INPP4B: variants seen among roughly 807,000 people sequenced by gnomAD.
INPP4B encodes inositol polyphosphate 4-phosphatase type II.
Under a neutral mutation model 122.5 loss-of-function variants are expected in INPP4B, and 55 were observed. The ratio of observed to expected loss-of-function variants is 0.45; its 90% confidence interval spans 0.36 to 0.56. The LOEUF is 0.56. Among genes scored for constraint, INPP4B ranks in the 20% least tolerant of loss-of-function variants. The pLI, the probability that INPP4B is intolerant of heterozygous loss-of-function variation, is 0.00. For synonymous variants in INPP4B, 403 were observed against 388.7 expected (o/e 1.04, Z -0.43); for missense variants, 1,000 against 1,097.7 (o/e 0.91, Z 1.26).
At chr4:142,694,751 T>G (rs1760782767) in intron 2 of INPP4B, among the ~76,000 whole-genome samples, 1 of 152,098 alleles carries the variant, frequency 6.6e-6, no homozygotes, top group Admixed American at 6.6e-5. Context: ...TTGCACTAAT[T>G]TTTCAGTGAA....
chr4:142,384,952 A>C (rs993942281), intron 7 of INPP4B, among the ~76,000 whole-genome samples: 19 of 152,154 alleles, frequency 1.2e-4, no homozygotes, highest in Non-Finnish European at 2.8e-4. Flanking sequence ...TTATGGCTGC[A>C]TGGCTGCATA....
chr4:142,705,637 G>T (rs914514842), intron 2 of INPP4B, among the ~76,000 whole-genome samples: 3 of 152,046 alleles, frequency 2.0e-5, no homozygotes, highest in African/African-American at 7.2e-5. Context: ...AGTCTCTAAG[G>T]CAGAGATTGA....
At position 142,489,012 on chromosome 4, in the gene INPP4B, A is replaced by G. The variant is rs144540946; in HGVS notation, c.-190-26286T>C. ...TTTAAAAATGTTCATTTGTTCCCAAACACTTTTCTAGCTTCTCCCCACAAA... is the reference window on the plus strand; with the variant it reads ...TTTAAAAATGTTCATTTGTTCCCAAGCACTTTTCTAGCTTCTCCCCACAAA... On this transcript the variant is annotated intron_variant, in intron 2 of 25. Transcript: ENST00000262992. Among the ~76,000 whole-genome samples the G allele has an allele frequency of 3.9e-3, 587 of 151,638 alleles. 4 individuals are homozygous for G. The highest frequency in any genetic ancestry group is 0.013 in the African/African-American group (546 of 41,114).
At chr4:142,134,019 A>G (rs989399277) in intron 18 of INPP4B, among the ~76,000 whole-genome samples, 3 of 152,116 alleles carry the variant, frequency 2.0e-5, no homozygotes, top group African/African-American at 7.2e-5. Context: ...TTCTTGTGTT[A>G]CTTTTTATTG....
chr4:142,098,159 G>T (rs1233178209), intron 23 of INPP4B, among the ~76,000 whole-genome samples: 1 of 151,982 alleles, frequency 6.6e-6, no homozygotes, highest in African/African-American at 2.4e-5. Flanking sequence ...TTTAAGATAG[G>T]GCATAGAGCC....
chr4:142,534,199 TTA>T (rs577015767), intron 2 of INPP4B, among the ~76,000 whole-genome samples: 1 of 151,766 alleles, frequency 6.6e-6, no homozygotes, highest in Non-Finnish European at 1.5e-5. Context: ...CATCCTGAAT[TTA>T]TATATATATA....
intron 2 of INPP4B, among the ~76,000 whole-genome samples, chr4:142,479,325 A>C (rs1476822251): frequency 6.6e-6 from 1 of 152,192 alleles, no homozygotes. Context: ...ATGCTGGTGA[A>C]TTAGCAGAGA....
At chr4:142,618,618 C>A (rs1202316729) in intron 2 of INPP4B, among the ~76,000 whole-genome samples, 1 of 151,868 alleles carries the variant, frequency 6.6e-6, no homozygotes, top group East Asian at 1.9e-4. Flanking sequence ...AAAATAAGCC[C>A]AAACTATGTA....
chr4:142,062,742 A>AAAACAAACAAAC (rs3043162), intron 25 of INPP4B, among the ~76,000 whole-genome samples: 18 of 149,112 alleles, frequency 1.2e-4, no homozygotes, highest in Non-Finnish European at 2.2e-4. Flanking sequence ...TCCCCCCGCA[A>AAAACAAACAAAC]AAACAAACAA....
chr4:142,052,096 C>T (rs1460836548), intron 25 of INPP4B, among the ~76,000 whole-genome samples: 1 of 151,970 alleles, frequency 6.6e-6, no homozygotes, highest in African/African-American at 2.4e-5. Context: ...AACCAACACT[C>T]AGGTCTTTTT....
chr4:142,578,573 G>T (rs537933153), intron 2 of INPP4B, among the ~76,000 whole-genome samples: 16 of 151,898 alleles, frequency 1.1e-4, no homozygotes, highest in African/African-American at 3.9e-4. Flanking sequence ...GACATCCCTG[G>T]TCTCTCTTTG....
intron 5 of INPP4B, 32 bp from the exon 6 acceptor site, chr4:142,405,356 AAACT>A (rs1387146191): frequency 1.6e-6 from 2 of 1,286,426 alleles, no homozygotes; most frequent in East Asian, 4.6e-5. Context: ...GAAAGAAAAG[AAACT>A]AACACCATAT....
At chr4:142,542,283 C>T (rs1415196625) in intron 2 of INPP4B, among the ~76,000 whole-genome samples, 1 of 152,138 alleles carries the variant, frequency 6.6e-6, no homozygotes, top group East Asian at 1.9e-4. Context: ...ATCTGATCCC[C>T]TTTTATAGAT....
chr4:142,398,401 AATATATATATATATATATATATATATAT>A (rs1206023677), intron 7 of INPP4B, among the ~76,000 whole-genome samples: 4 of 28,500 alleles, frequency 1.4e-4, no homozygotes, highest in African/African-American at 4.8e-4. Flanking sequence ...AAAAAAAAAA[AATATATATATATATATATATATATATAT>A]ATATATATAT....
At chr4:142,474,915 G>A (rs1819550470) in intron 2 of INPP4B, among the ~76,000 whole-genome samples, 1 of 152,166 alleles carries the variant, frequency 6.6e-6, no homozygotes, top group Non-Finnish European at 1.5e-5. Context: ...CACCTGGATG[G>A]TAAGGTAAGA....
At chr4:142,319,697 A>G (rs1769258633) in intron 7 of INPP4B, among the ~76,000 whole-genome samples, 1 of 152,204 alleles carries the variant, frequency 6.6e-6, no homozygotes, top group Non-Finnish European at 1.5e-5. Context: ...TCCAATGGCC[A>G]TACATAAAGG....
chr4:142,335,196 T>C (rs1776181470), intron 7 of INPP4B, among the ~76,000 whole-genome samples: 1 of 151,308 alleles, frequency 6.6e-6, no homozygotes, highest in Non-Finnish European at 1.5e-5. Context: ...AATTTCACCA[T>C]TTCCATGAGA....
chr4:142,076,190 G>A (rs1161668430), intron 25 of INPP4B, among the ~76,000 whole-genome samples: 1 of 151,990 alleles, frequency 6.6e-6, no homozygotes, highest in Non-Finnish European at 1.5e-5. Context: ...TCATTTTTCT[G>A]TCAATAGAAT....
At chr4:142,818,525 G>C (rs1367183131) in intron 1 of INPP4B, among the ~76,000 whole-genome samples, 11 of 151,914 alleles carry the variant, frequency 7.2e-5, no homozygotes, top group Admixed American at 6.6e-4. Flanking sequence ...ATCAAAATTT[G>C]AATAAAGTAA....
Sources: allele counts gnomAD v4.1 joint callset (sites outside exome capture counted in the v4.1 genomes callset), GRCh38; gene constraint gnomAD v4.1.1; transcripts MANE v1.5; gene names NCBI Gene and HGNC (gene_info 2026-07-23, HGNC 2026-07-21).